HIBCH: variants seen among roughly 807,000 people sequenced by gnomAD.
HIBCH encodes 3-hydroxyisobutyryl-CoA hydrolase.
Under a neutral mutation model 58.2 loss-of-function variants are expected in HIBCH, and 50 were observed. That is an observed-to-expected ratio of 0.86 (90% confidence interval 0.68 to 1.09). HIBCH has a LOEUF of 1.09. Among genes scored for constraint, HIBCH ranks in the 50% least tolerant of loss-of-function variants. The pLI, the probability that HIBCH is intolerant of heterozygous loss-of-function variation, is 0.00. For synonymous variants in HIBCH, 151 were observed against 146.9 expected (o/e 1.03, Z -0.20); for missense variants, 450 against 449.7 (o/e 1.00, Z -0.01).
At chr2:190,311,390 T>C (rs1688554356) in intron 1 of HIBCH, among the ~76,000 whole-genome samples, 1 of 152,238 alleles carries the variant, frequency 6.6e-6, no homozygotes, top group Admixed American at 6.5e-5. Flanking sequence ...CAAACTTTTC[T>C]GCTCAAATTT....
At chr2:190,230,654 C>T (rs1411898771) in intron 11 of HIBCH, among the ~76,000 whole-genome samples, 7 of 152,156 alleles carry the variant, frequency 4.6e-5, no homozygotes, top group Non-Finnish European at 7.4e-5. Flanking sequence ...AAGATCGTGC[C>T]GCTGCACTCC....
intron 4 of HIBCH, among the ~76,000 whole-genome samples, chr2:190,293,775 A>G (rs1348583433): frequency 1.3e-5 from 2 of 151,668 alleles, no homozygotes; most frequent in African/African-American, 4.8e-5. Flanking sequence ...AAGAAACAAG[A>G]TACAAAATGT....
At chr2:190,298,318 G>A (rs1425219869) in intron 2 of HIBCH, among the ~76,000 whole-genome samples, 2 of 152,234 alleles carry the variant, frequency 1.3e-5, no homozygotes, top group Non-Finnish European at 2.9e-5. Flanking sequence ...CTAGATCCTT[G>A]AGGAATCGCC....
intron 6 of HIBCH, among the ~76,000 whole-genome samples, chr2:190,270,134 A>C (rs1687350086): frequency 6.6e-6 from 1 of 152,162 alleles, no homozygotes; most frequent in South Asian, 2.1e-4. Flanking sequence ...CTTAAAACCT[A>C]GATGACGGGT....
rs1251015698 is a variant in HIBCH, at chr2:190,261,080, A to G, written c.517+76T>C. ...CACACAAGAGTCCATCAATTCCTTC[A>G]ACAACAGTAAACTCTGAAACATATC... On this transcript the variant is annotated intron_variant, in intron 7 of 13. Coordinates refer to ENST00000359678, the MANE Select transcript of HIBCH (RefSeq NM_014362.4). 44 of 1,090,808 alleles carry G rather than the reference A, an allele frequency of 4.0e-5. No individual in the cohort carries two copies. The East Asian group carries it at 1.0e-3, about 26-fold the overall frequency. The allele number at this position is 1,090,808 out of a possible 1,614,324, so 67.6% of individuals were successfully genotyped here.
chr2:190,294,070 C>T (rs1215560154), intron 4 of HIBCH, among the ~76,000 whole-genome samples: 1 of 131,804 alleles, frequency 7.6e-6, no homozygotes, highest in Admixed American at 8.8e-5. Context: ...AGGATAAATG[C>T]TATAAATAAG....
downstream of HIBCH, chr2:190,200,043 T>C (rs1307763917): frequency 3.7e-6 from 6 of 1,613,988 alleles, no homozygotes; most frequent in Admixed American, 8.3e-5. Context: ...TCTTGGAATA[T>C]GCACACCGCC....
chr2:190,235,290 T>C (rs1209301346), intron 11 of HIBCH, among the ~76,000 whole-genome samples: 16 of 152,128 alleles, frequency 1.1e-4, no homozygotes, highest in South Asian at 8.3e-4. Context: ...TCAAGAAACA[T>C]TGCACTTGGG....
At chr2:190,232,332 T>C (rs533640136) in intron 11 of HIBCH, among the ~76,000 whole-genome samples, 1 of 152,326 alleles carries the variant, frequency 6.6e-6, no homozygotes, top group Admixed American at 6.5e-5. Flanking sequence ...TATGCAAGCA[T>C]AAGTCTTCCA....
At chr2:190,284,368 C>G (rs1252232211) in intron 6 of HIBCH, among the ~76,000 whole-genome samples, 2 of 152,068 alleles carry the variant, frequency 1.3e-5, no homozygotes, top group African/African-American at 4.8e-5. Context: ...CAATATAATT[C>G]TCAGGCTTCT....
At chr2:190,275,389 G>A (rs184368334) in intron 6 of HIBCH, among the ~76,000 whole-genome samples, 2 of 152,196 alleles carry the variant, frequency 1.3e-5, no homozygotes, top group African/African-American at 4.8e-5. Context: ...TCTTCAAAAA[G>A]TTCACGGAAT....
Position 190,244,841 on chromosome 2 carries a change from C to G in HIBCH, c.891+46G>C, listed in dbSNP as rs375349694. ...CCCCTTAGAGAGGCTTCCCTGTCAC[C>G]GGACTTCACTATGTTCACTCAGGGC... On this transcript the variant is annotated intron_variant, in intron 11 of 13. Coordinates refer to ENST00000359678, the MANE Select transcript of HIBCH (RefSeq NM_014362.4). 4.1e-6 allele frequency: 5 copies of G among 1,224,582 alleles called. No individual in the cohort carries two copies. In the South Asian group the frequency reaches 6.0e-5, roughly 15 times the overall value. The allele number at this position is 1,224,582 out of a possible 1,614,324, so 75.9% of individuals were successfully genotyped here. A position where few individuals can be genotyped will look rare whatever the true frequency, so the allele number is the denominator to read the frequency against.
At chr2:190,313,822 A>G (rs945802803) in intron 1 of HIBCH, among the ~76,000 whole-genome samples, 5 of 152,026 alleles carry the variant, frequency 3.3e-5, no homozygotes, top group East Asian at 3.9e-4. Context: ...CAACACTAAC[A>G]CTTTATAATT....
chr2:190,316,533 C>G (rs1409745879), intron 1 of HIBCH, among the ~76,000 whole-genome samples: 1 of 152,198 alleles, frequency 6.6e-6, no homozygotes, highest in Non-Finnish European at 1.5e-5. Flanking sequence ...TCACCTAAAA[C>G]TGCACTTTTT....
chr2:190,283,601 C>T (rs1687760488), intron 6 of HIBCH, among the ~76,000 whole-genome samples: 1 of 152,026 alleles, frequency 6.6e-6, no homozygotes, highest in South Asian at 2.1e-4. Context: ...GTAAATATTC[C>T]AAAATCCAAA....
At chr2:190,257,982 C>G (rs1202288111) in intron 7 of HIBCH, among the ~76,000 whole-genome samples, 1 of 152,120 alleles carries the variant, frequency 6.6e-6, no homozygotes, top group Non-Finnish European at 1.5e-5. Flanking sequence ...AACAAATTGA[C>G]AAATTTCTTG....
At chr2:190,212,594 A>C (rs1690538233) in intron 12 of HIBCH, among the ~76,000 whole-genome samples, 1 of 152,226 alleles carries the variant, frequency 6.6e-6, no homozygotes, top group Admixed American at 6.5e-5. Flanking sequence ...ATCTGCTTAT[A>C]AATAATCCTC....
At chr2:190,233,844 G>C (rs1686184249) in intron 11 of HIBCH, among the ~76,000 whole-genome samples, 1 of 152,154 alleles carries the variant, frequency 6.6e-6, no homozygotes, top group South Asian at 2.1e-4. Flanking sequence ...ATCCCAGAAA[G>C]ATTAAAATGA....
chr2:190,247,904 G>A (rs1686654545), intron 9 of HIBCH, among the ~76,000 whole-genome samples: 1 of 152,126 alleles, frequency 6.6e-6, no homozygotes, highest in Non-Finnish European at 1.5e-5. Context: ...TGATGCTCCT[G>A]CACACTTAAT....
Sources: allele counts gnomAD v4.1 joint callset (sites outside exome capture counted in the v4.1 genomes callset), GRCh38; gene constraint gnomAD v4.1.1; transcripts MANE v1.5; gene names NCBI Gene and HGNC (gene_info 2026-07-23, HGNC 2026-07-21).